Variants in SGCZ observed in about 807,000 individuals in gnomAD.
SGCZ encodes sarcoglycan zeta.
In SGCZ, 40 loss-of-function variants were observed where a neutral mutation model predicts 41.3. That is an observed-to-expected ratio of 0.97 (90% confidence interval 0.75 to 1.26). The LOEUF (loss-of-function observed/expected upper bound fraction) is 1.26, where lower values mean the gene tolerates loss of function less well. Among genes scored for constraint, SGCZ ranks in the 50% most tolerant of loss-of-function variants. SGCZ has a pLI of 0.00. For missense variants in SGCZ, 552 were observed against 369.8 expected (o/e 1.49, Z -4.04); for synonymous variants, 206 against 137.5 (o/e 1.50, Z -3.49).
chr8:15,130,806 A>G (rs182524727), intron 1 of SGCZ, among the ~76,000 whole-genome samples: 67 of 152,318 alleles, frequency 4.4e-4, no homozygotes, highest in Non-Finnish European at 8.5e-4. Flanking sequence ...CTGAATATTC[A>G]TCACCTGGGT....
At chr8:14,442,970 T>A (rs1800316528) in intron 2 of SGCZ, among the ~76,000 whole-genome samples, 1 of 152,148 alleles carries the variant, frequency 6.6e-6, no homozygotes, top group Non-Finnish European at 1.5e-5. Context: ...AGTCTCAGGA[T>A]ACAAAATCAA....
intron 2 of SGCZ, among the ~76,000 whole-genome samples, chr8:14,503,306 G>T (rs945583354): frequency 6.6e-6 from 1 of 152,006 alleles, no homozygotes; most frequent in African/African-American, 2.4e-5. Flanking sequence ...GGGGATGGGG[G>T]GCAAGGGGAG....
chr8:14,372,141 A>G (rs939113680), intron 2 of SGCZ, among the ~76,000 whole-genome samples: 4 of 152,150 alleles, frequency 2.6e-5, no homozygotes, highest in African/African-American at 9.7e-5. Context: ...TAAGATTACA[A>G]TGACTAGGTT....
intron 1 of SGCZ, among the ~76,000 whole-genome samples, chr8:15,172,528 A>G (rs529357017): frequency 1.3e-5 from 2 of 152,140 alleles, no homozygotes; most frequent in African/African-American, 4.8e-5. Flanking sequence ...TAAGCAAACC[A>G]TTTAACCATT....
At chr8:15,004,044 A>T (rs955124525) in intron 1 of SGCZ, among the ~76,000 whole-genome samples, 2 of 152,114 alleles carry the variant, frequency 1.3e-5, no homozygotes, top group Admixed American at 6.6e-5. Flanking sequence ...CGCCCCAGAG[A>T]TCACCCAAAA....
chr8:14,293,415 A>G (rs1244344861), intron 3 of SGCZ, among the ~76,000 whole-genome samples: 2 of 152,022 alleles, frequency 1.3e-5, no homozygotes, highest in Non-Finnish European at 2.9e-5. Flanking sequence ...TGAAATTCCA[A>G]TGGTCAAACT....
chr8:15,216,920 A>C (rs948824490), intron 1 of SGCZ, among the ~76,000 whole-genome samples: 10 of 152,176 alleles, frequency 6.6e-5, no homozygotes, highest in Non-Finnish European at 1.5e-4. Flanking sequence ...GCTTCTGCAC[A>C]TGGGATTAGG....
intron 1 of SGCZ, among the ~76,000 whole-genome samples, chr8:14,869,726 G>A (rs906319572): frequency 2.6e-5 from 4 of 152,152 alleles, no homozygotes; most frequent in East Asian, 1.9e-4. Context: ...AAGGTGATAA[G>A]CAACTTCAGC....
At chr8:14,219,562 C>G (rs913065716) in intron 4 of SGCZ, among the ~76,000 whole-genome samples, 5 of 152,070 alleles carry the variant, frequency 3.3e-5, no homozygotes, top group Non-Finnish European at 5.9e-5. Context: ...GCCTGGCCAA[C>G]ATGATGAAAC....
intron 1 of SGCZ, among the ~76,000 whole-genome samples, chr8:15,109,639 A>T (rs903422541): frequency 6.6e-6 from 1 of 152,216 alleles, no homozygotes; most frequent in Non-Finnish European, 1.5e-5. Flanking sequence ...TTGATTCAGG[A>T]AAACAGAAAT....
At chr8:15,059,851 T>G (rs985857857) in intron 1 of SGCZ, among the ~76,000 whole-genome samples, 11 of 152,310 alleles carry the variant, frequency 7.2e-5, no homozygotes, top group Admixed American at 6.5e-4. Flanking sequence ...GGTCTTTTCA[T>G]CCTTTGTCTC....
chr8:14,587,101 G>A (rs1805083574), intron 1 of SGCZ, among the ~76,000 whole-genome samples: 2 of 151,124 alleles, frequency 1.3e-5, no homozygotes, highest in African/African-American at 2.4e-5. Flanking sequence ...TCTAAAGTTA[G>A]GCATAAGCAT....
chr8:14,205,953 A>G (rs1805600862), intron 4 of SGCZ, among the ~76,000 whole-genome samples: 1 of 152,160 alleles, frequency 6.6e-6, no homozygotes, highest in African/African-American at 2.4e-5. Flanking sequence ...TCGAGTTCAT[A>G]TAGGCTAAGA....
At position 14,217,954 on chromosome 8, in the gene SGCZ, A is replaced by G. The variant is rs549524589; in HGVS notation, c.424+19638T>C. On this transcript the variant is annotated intron_variant, in intron 4 of 7. Transcript: ENST00000382080. ...CCAACTAAAGATTTTTTTAAAGTGC[A>G]AAATAGGAAAAGAAGGAAGTGTTCT... Among the ~76,000 whole-genome samples the G allele has an allele frequency of 9.9e-5, 15 of 152,150 alleles. 1 individual carries two copies. In the South Asian group the frequency reaches 3.1e-3, roughly 32 times the overall value.
intron 4 of SGCZ, among the ~76,000 whole-genome samples, chr8:14,213,443 A>C (rs1345541266): frequency 6.6e-6 from 1 of 152,268 alleles, no homozygotes; most frequent in East Asian, 1.9e-4. Context: ...CAATTTCTAT[A>C]TTTGGTAAAA....
At chr8:14,756,366 G>A (rs1346139843) in intron 1 of SGCZ, among the ~76,000 whole-genome samples, 2 of 152,006 alleles carry the variant, frequency 1.3e-5, no homozygotes, top group African/African-American at 4.8e-5. Flanking sequence ...TGTATTTTTA[G>A]TAGAGATGGG....
intron 5 of SGCZ, among the ~76,000 whole-genome samples, chr8:14,148,813 A>G (rs1205530306): frequency 6.6e-6 from 1 of 152,144 alleles, no homozygotes; most frequent in Non-Finnish European, 1.5e-5. Context: ...ACTGAATTCA[A>G]CAATGCATTA....
At chr8:14,379,347 G>T (rs571185038) in intron 2 of SGCZ, among the ~76,000 whole-genome samples, 16 of 152,130 alleles carry the variant, frequency 1.1e-4, no homozygotes, top group Admixed American at 3.3e-4. Context: ...TAAGTAGATA[G>T]ATGATATAAT....
intron 2 of SGCZ, among the ~76,000 whole-genome samples, chr8:14,474,020 A>T (rs188173513): frequency 6.6e-6 from 1 of 152,138 alleles, no homozygotes; most frequent in East Asian, 1.9e-4. Flanking sequence ...CAAATTTTGC[A>T]TAAGTCATTC....
Sources: allele counts gnomAD v4.1 joint callset (sites outside exome capture counted in the v4.1 genomes callset), GRCh38; gene constraint gnomAD v4.1.1; transcripts MANE v1.5; gene names NCBI Gene and HGNC (gene_info 2026-07-23, HGNC 2026-07-21).